CARMIL1: variants seen among roughly 807,000 people sequenced by gnomAD.
CARMIL1 encodes the protein capping protein regulator and myosin 1 linker 1.
Under a neutral mutation model 177.1 loss-of-function variants are expected in CARMIL1, and 90 were observed. That is an observed-to-expected ratio of 0.51 (90% confidence interval 0.43 to 0.61). The LOEUF is 0.61. Among genes scored for constraint, CARMIL1 ranks in the 20% least tolerant of loss-of-function variants. The probability of loss-of-function intolerance (pLI) is 0.00; values close to 1 mark genes in which losing one functional copy is unlikely to be tolerated. For synonymous variants in CARMIL1, 577 were observed against 606.2 expected, an observed-to-expected ratio of 0.95 and a Z score of 0.71; for missense variants, 1,380 against 1,667.0, an observed-to-expected ratio of 0.83 and a Z score of 3.00.
chr6:25,430,069 C>A (rs1379165747), intron 4 of CARMIL1, among the ~76,000 whole-genome samples: 1 of 152,096 alleles, frequency 6.6e-6, no homozygotes, highest in Non-Finnish European at 1.5e-5. Flanking sequence ...TGGTCTCAAT[C>A]TCCTGACCTT....
At chr6:25,383,492 A>T (rs1791811424) in intron 2 of CARMIL1, 1 of 152,202 alleles carries the variant, frequency 6.6e-6, no homozygotes. Context: ...AATTACTGGT[A>T]TTAGTATTTT....
intron 5 of CARMIL1, among the ~76,000 whole-genome samples, chr6:25,438,569 A>AT (rs1439317378): frequency 3.9e-5 from 6 of 152,232 alleles, no homozygotes; most frequent in African/African-American, 1.4e-4. Flanking sequence ...GGCAAAGAAT[A>AT]TCATCTTCCC....
chr6:25,588,068 A>G (rs1813928721), intron 31 of CARMIL1, among the ~76,000 whole-genome samples: 1 of 152,238 alleles, frequency 6.6e-6, no homozygotes, highest in South Asian at 2.1e-4. Flanking sequence ...TAGCATTTAC[A>G]TTGTATTAGG....
intron 2 of CARMIL1, among the ~76,000 whole-genome samples, chr6:25,408,115 A>C (rs1354169144): frequency 6.6e-6 from 1 of 151,716 alleles, no homozygotes; most frequent in Admixed American, 6.6e-5. Flanking sequence ...GGCAACATAG[A>C]CGTCATCTCT....
chr6:25,583,726 A>C (rs79052485), intron 31 of CARMIL1, among the ~76,000 whole-genome samples: 2,956 of 152,226 alleles, frequency 0.019, 81 homozygotes, highest in African/African-American at 0.061. Flanking sequence ...TGATTTTTAG[A>C]TTTTTTAGTC....
chr6:25,448,319 C>G (rs1798437751), intron 5 of CARMIL1, among the ~76,000 whole-genome samples: 1 of 152,088 alleles, frequency 6.6e-6, no homozygotes, highest in African/African-American at 2.4e-5. Flanking sequence ...TGGGATTTTG[C>G]CTTGCTCCCC....
intron 2 of CARMIL1, among the ~76,000 whole-genome samples, chr6:25,418,600 A>G (rs1190237352): frequency 2.0e-5 from 3 of 152,124 alleles, no homozygotes; most frequent in African/African-American, 7.2e-5. Flanking sequence ...TTTGGCTCAC[A>G]GCATATGGAA....
chr6:25,574,512 A>C (rs1688942507), intron 29 of CARMIL1, among the ~76,000 whole-genome samples: 1 of 152,210 alleles, frequency 6.6e-6, no homozygotes, highest in African/African-American at 2.4e-5. Flanking sequence ...CATCACAGAT[A>C]ATGTAATAGC....
At position 25,500,168 on chromosome 6, in the gene CARMIL1, C is replaced by T; in HGVS notation, c.1328C>T (p.Ala443Val). The T allele has an allele frequency of 6.2e-7, 1 of 1,613,752 alleles. No individual in the cohort carries two copies. Among genetic ancestry groups the T allele is most frequent in the Non-Finnish European group, 8.5e-7 (1 of 1,179,718 alleles). ...ATATGTGTGTTTCCTCCCCTCAGAGCACTGTTATTGGGCCTGGCTTGTAAT... is the reference window on the plus strand; with the variant it reads ...ATATGTGTGTTTCCTCCCCTCAGAGTACTGTTATTGGGCCTGGCTTGTAAT... Reference protein sequence around the residue: ...GTKLSPEPLKALLLGLACNHN... With the variant: ...GTKLSPEPLKVLLLGLACNHN... Residue 443 changes from alanine (A) to valine (V), a missense_variant and splice_region_variant, in exon 17 of 37, where the codon GCA becomes GTA. By Grantham distance (64) the Ala-to-Val change is moderately conservative. Transcript: ENST00000329474.
At chr6:25,339,079 ATAAAT>A (rs36212903) in intron 2 of CARMIL1, among the ~76,000 whole-genome samples, 5,799 of 152,258 alleles carry the variant, frequency 0.038, 308 homozygotes, top group African/African-American at 0.13. Flanking sequence ...TCAATATAAA[ATAAAT>A]TAAAATGACC....
At chr6:25,586,026 A>G (rs1368013953) in intron 31 of CARMIL1, among the ~76,000 whole-genome samples, 1 of 152,122 alleles carries the variant, frequency 6.6e-6, no homozygotes, top group Non-Finnish European at 1.5e-5. Flanking sequence ...CAAAACCGCC[A>G]TCATCATCAT....
chr6:25,335,081 G>T (rs1470532343), intron 2 of CARMIL1, among the ~76,000 whole-genome samples: 1 of 152,216 alleles, frequency 6.6e-6, no homozygotes, highest in African/African-American at 2.4e-5. Flanking sequence ...TCAGTTTCCT[G>T]TCTCTTCTGT....
intron 14 of CARMIL1, 43 bp downstream of exon 14, chr6:25,491,852 G>A: frequency 6.5e-7 from 1 of 1,533,332 alleles, no homozygotes; most frequent in Non-Finnish European, 8.9e-7. Context: ...AGGGGTCTCA[G>A]AAGAGCTATT....
intron 2 of CARMIL1, among the ~76,000 whole-genome samples, chr6:25,322,539 G>A (rs1784772915): frequency 6.6e-6 from 1 of 152,118 alleles, no homozygotes; most frequent in Non-Finnish European, 1.5e-5. Flanking sequence ...CAAACTTTAG[G>A]TAACATAAAT....
At chr6:25,309,003 C>T (rs1783523417) in intron 2 of CARMIL1, among the ~76,000 whole-genome samples, 2 of 152,184 alleles carry the variant, frequency 1.3e-5, no homozygotes, top group African/African-American at 4.8e-5. Flanking sequence ...GCACCTGCCT[C>T]CTGCAACTTA....
At chr6:25,336,360 T>C (rs1786231328) in intron 2 of CARMIL1, among the ~76,000 whole-genome samples, 1 of 152,060 alleles carries the variant, frequency 6.6e-6, no homozygotes, top group South Asian at 2.1e-4. Flanking sequence ...TGTATGTGCT[T>C]CCCTAGGAAG....
intron 16 of CARMIL1, among the ~76,000 whole-genome samples, chr6:25,499,730 A>G (rs1455123146): frequency 6.6e-6 from 1 of 152,186 alleles, no homozygotes; most frequent in Non-Finnish European, 1.5e-5. Flanking sequence ...TGACTTCCTC[A>G]CTTACATATT....
At chr6:25,340,438 G>A (rs1248847657) in intron 2 of CARMIL1, among the ~76,000 whole-genome samples, 1 of 152,194 alleles carries the variant, frequency 6.6e-6, no homozygotes, top group Non-Finnish European at 1.5e-5. Context: ...AAATGGCTAA[G>A]AACAATCTGA....
At chr6:25,513,342 C>A (rs950388179) in intron 20 of CARMIL1, among the ~76,000 whole-genome samples, 1 of 152,114 alleles carries the variant, frequency 6.6e-6, no homozygotes, top group Non-Finnish European at 1.5e-5. Flanking sequence ...ATTGAAGAAA[C>A]CAAGCTAAAC....
Sources: allele counts gnomAD v4.1 joint callset (sites outside exome capture counted in the v4.1 genomes callset), GRCh38; gene constraint gnomAD v4.1.1; transcripts MANE v1.5; gene names NCBI Gene and HGNC (gene_info 2026-07-23, HGNC 2026-07-21).